The following TAFA2 variants were observed in gnomAD, a reference collection of about 807,000 sequenced individuals.
The protein encoded by TAFA2 is TAFA chemokine like family member 2.
Under a neutral mutation model 18.8 loss-of-function variants are expected in TAFA2, and 7 were observed. That is an observed-to-expected ratio of 0.37 (90% confidence interval 0.21 to 0.70). TAFA2 has a LOEUF of 0.70. Among genes scored for constraint, TAFA2 ranks in the 30% least tolerant of loss-of-function variants. The probability of loss-of-function intolerance (pLI) is 0.53; values close to 1 mark genes in which losing one functional copy is unlikely to be tolerated. For synonymous variants in TAFA2, 60 were observed against 54.2 expected (o/e 1.11, Z -0.47); for missense variants, 122 against 158.1 (o/e 0.77, Z 1.23).
At chr12:61,745,238 T>C (rs1037697617) in intron 4 of TAFA2, among the ~76,000 whole-genome samples, 2 of 152,130 alleles carry the variant, frequency 1.3e-5, no homozygotes, top group Non-Finnish European at 2.9e-5. Flanking sequence ...CACAGTTCTC[T>C]CCATCTCACA....
At chr12:62,176,807 C>G (rs1782225525) in intron 1 of TAFA2, among the ~76,000 whole-genome samples, 1 of 152,016 alleles carries the variant, frequency 6.6e-6, no homozygotes, top group African/African-American at 2.4e-5. Flanking sequence ...TAATTTGAAC[C>G]AAAAGAATTC....
At chr12:61,768,166 G>A (rs566606714) in intron 2 of TAFA2, among the ~76,000 whole-genome samples, 2 of 152,164 alleles carry the variant, frequency 1.3e-5, no homozygotes, top group South Asian at 2.1e-4. Context: ...AACCTAGAAA[G>A]CAGTAGAGGG....
At chr12:61,760,605 T>TTAAAAAGA (rs780766385) in intron 2 of TAFA2, among the ~76,000 whole-genome samples, 24 of 151,700 alleles carry the variant, frequency 1.6e-4, no homozygotes, top group Non-Finnish European at 2.9e-4. Context: ...AACAAGCAAT[T>TTAAAAAGA]TAAAAAGATA....
At chr12:61,757,605 G>T (rs1298585982) in intron 2 of TAFA2, among the ~76,000 whole-genome samples, 1 of 151,830 alleles carries the variant, frequency 6.6e-6, no homozygotes, top group Admixed American at 6.6e-5. Context: ...CCACGGAAAA[G>T]GTTTCACCAA....
intron 1 of TAFA2, among the ~76,000 whole-genome samples, chr12:62,171,229 T>A (rs1027477802): frequency 1.3e-5 from 2 of 152,108 alleles, no homozygotes; most frequent in African/African-American, 4.8e-5. Flanking sequence ...ACCTATAGTA[T>A]TTGAAGAAAA....
chr12:62,230,193 T>C (rs2062806315), intron 1 of TAFA2, among the ~76,000 whole-genome samples: 1 of 148,692 alleles, frequency 6.7e-6, no homozygotes, highest in African/African-American at 2.5e-5. Context: ...TTTTTTTTGG[T>C]ATCAATTGTA....
At position 62,077,490 on chromosome 12, in the gene TAFA2, G is replaced by A. The variant is rs978880359; in HGVS notation, c.-2+113769C>T. ...CTAAAAGGAAAGTAATATTGTTGGT[G>A]ACAGAACGAGGATCAGCATCAAGTG... On this transcript the variant is annotated intron_variant, in intron 1 of 4. Transcript: ENST00000416284. Among the ~76,000 whole-genome samples the A allele has an allele frequency of 7.9e-5, 12 of 152,312 alleles. No individual in the cohort carries two copies. In the East Asian group the frequency reaches 2.3e-3, roughly 29 times the overall value.
chr12:61,870,917 C>G (rs1044655795), intron 1 of TAFA2, among the ~76,000 whole-genome samples: 1 of 152,136 alleles, frequency 6.6e-6, no homozygotes, highest in Non-Finnish European at 1.5e-5. Flanking sequence ...TATAAGATTC[C>G]TAAAGACAGC....
At chr12:62,248,782 C>T (rs879449981) in intron 1 of TAFA2, among the ~76,000 whole-genome samples, 1 of 152,108 alleles carries the variant, frequency 6.6e-6, no homozygotes, top group African/African-American at 2.4e-5. Flanking sequence ...ATAAAATTTA[C>T]TAACTTAAAC....
chr12:61,998,108 T>C (rs1399696797), intron 1 of TAFA2, among the ~76,000 whole-genome samples: 5 of 151,970 alleles, frequency 3.3e-5, no homozygotes, highest in African/African-American at 7.3e-5. Context: ...AGGAATTTGA[T>C]GAGAACAAAT....
At chr12:61,866,159 C>T (rs760349437) in intron 2 of TAFA2, among the ~76,000 whole-genome samples, 1 of 151,978 alleles carries the variant, frequency 6.6e-6, no homozygotes, top group Non-Finnish European at 1.5e-5. Flanking sequence ...TTCACACACA[C>T]GAAAACATAC....
chr12:62,212,253 T>C (rs1213196994), intron 1 of TAFA2, among the ~76,000 whole-genome samples: 1 of 152,184 alleles, frequency 6.6e-6, no homozygotes, highest in Non-Finnish European at 1.5e-5. Flanking sequence ...GTATTCAAAA[T>C]ATCCCAGACC....
intron 1 of TAFA2, among the ~76,000 whole-genome samples, chr12:62,183,691 T>C (rs550837571): frequency 2.6e-5 from 4 of 152,278 alleles, no homozygotes; most frequent in Admixed American, 2.6e-4. Flanking sequence ...AGTCAATCTG[T>C]GGTATTTTTA....
At chr12:62,211,232 G>A (rs950803968) in intron 1 of TAFA2, among the ~76,000 whole-genome samples, 4 of 152,172 alleles carry the variant, frequency 2.6e-5, no homozygotes, top group African/African-American at 9.7e-5. Flanking sequence ...GAATGACAAA[G>A]AGGAGTGAAT....
intron 1 of TAFA2, among the ~76,000 whole-genome samples, chr12:62,153,979 ATGTTG>A (rs1441682282): frequency 6.6e-6 from 1 of 150,572 alleles, no homozygotes; most frequent in African/African-American, 2.4e-5. Context: ...ATGTTATGTT[ATGTTG>A]TTTTGTACTA....
At chr12:61,792,270 T>C (rs1301206830) in intron 2 of TAFA2, among the ~76,000 whole-genome samples, 2 of 151,418 alleles carry the variant, frequency 1.3e-5, no homozygotes, top group Admixed American at 1.3e-4. Flanking sequence ...TGGAGAGAGG[T>C]GAGTCAATGG....
chr12:61,721,338 G>A (rs918907899), intron 4 of TAFA2, among the ~76,000 whole-genome samples: 3 of 152,202 alleles, frequency 2.0e-5, no homozygotes, highest in Admixed American at 6.5e-5. Context: ...AACAATATTA[G>A]GTAGTAATAA....
chr12:61,990,152 T>C (rs898011145), intron 1 of TAFA2, among the ~76,000 whole-genome samples: 8 of 151,642 alleles, frequency 5.3e-5, no homozygotes, highest in Non-Finnish European at 7.4e-5. Flanking sequence ...ACTTAAAAAA[T>C]AAGGAAAAAA....
chr12:62,147,586 C>G (rs1212797473), intron 1 of TAFA2, among the ~76,000 whole-genome samples: 3 of 149,892 alleles, frequency 2.0e-5, no homozygotes, highest in Non-Finnish European at 4.4e-5. Flanking sequence ...AAAAATTAGC[C>G]AGGCACGGTG....
Sources: allele counts gnomAD v4.1 joint callset (sites outside exome capture counted in the v4.1 genomes callset), GRCh38; gene constraint gnomAD v4.1.1; transcripts MANE v1.5; gene names NCBI Gene and HGNC (gene_info 2026-07-23, HGNC 2026-07-21).